GLB1L2: variants seen among roughly 807,000 people sequenced by gnomAD.
GLB1L2 encodes the protein beta-galactosidase-1-like protein 2.
Under a neutral mutation model 84.1 loss-of-function variants are expected in GLB1L2, and 68 were observed. The ratio of observed to expected loss-of-function variants is 0.81; its 90% CI spans 0.67 to 0.99. The LOEUF is 0.99. Among genes scored for constraint, GLB1L2 ranks in the 50% least tolerant of loss-of-function variants. The pLI is 0.00. For missense variants in GLB1L2, 762 were observed against 805.6 expected (o/e 0.95, Z 0.66); for synonymous variants, 290 against 318.0 (o/e 0.91, Z 0.94).
chr11:134,364,493 G>T, intron 8 of GLB1L2, 95 bp downstream of exon 8: 1 of 1,003,750 alleles, frequency 1.0e-6, no homozygotes. Flanking sequence ...CCCAGCGCAG[G>T]GAGCTGGACT....
intron 9 of GLB1L2, 112 bp from the exon 10 acceptor site, chr11:134,368,532 T>TTGGCC (rs1232200924): frequency 9.5e-7 from 1 of 1,058,140 alleles, no homozygotes; most frequent in African/African-American, 1.6e-5. Flanking sequence ...AGTGACAAAG[T>TTGGCC]TGGCCTTGAG....
At chr11:134,364,653 A>G in intron 8 of GLB1L2, 1 of 450,440 alleles carries the variant, frequency 2.2e-6, no homozygotes, top group African/African-American at 2.0e-5. Context: ...GTGCACTCCT[A>G]GAGGACTCGA....
intron 8 of GLB1L2, among the ~76,000 whole-genome samples, chr11:134,365,297 T>TG (rs1471779707): frequency 6.6e-6 from 1 of 152,220 alleles, no homozygotes. Flanking sequence ...GTGGGAGGGC[T>TG]GGCCCCGCTC....
At chr11:134,361,752 G>T (rs961841726) in intron 7 of GLB1L2, among the ~76,000 whole-genome samples, 1 of 152,122 alleles carries the variant, frequency 6.6e-6, no homozygotes, top group African/African-American at 2.4e-5. Flanking sequence ...GGCCTGCATG[G>T]TGGGGGGTCT....
At chr11:134,364,276 C>A in intron 7 of GLB1L2, 52 bp from the exon 8 acceptor site, 1 of 1,469,496 alleles carries the variant, frequency 6.8e-7, no homozygotes, top group Non-Finnish European at 9.5e-7. Flanking sequence ...CCTAGAAGGT[C>A]CCTGGCTTTG....
In GLB1L2 at chr11:134,369,830, C is replaced by A; in HGVS notation, c.1053C>A (p.Ala351=). ...SYDYDAVLTE[A]GDYTAKYMKL... ...ACTATGATGCTGTGCTGACAGAAGC[C>A]GGCGATTACACGGCCAAGTACATGA... is the stretch of plus-strand genomic sequence containing the variant. Residue 351 remains alanine, a synonymous_variant, in exon 11 of 19, where the codon GCC becomes GCA. Coordinates refer to ENST00000535456, the MANE Select transcript of GLB1L2 (RefSeq NM_001370461.1). The A allele has an allele frequency of 6.2e-7, 1 of 1,613,388 alleles. No individual in the cohort carries two copies. The highest frequency in any genetic ancestry group is 8.5e-7 in the Non-Finnish European group (1 of 1,179,408).
chr11:134,353,189 A>G (rs971580669), intron 5 of GLB1L2, among the ~76,000 whole-genome samples: 1 of 152,094 alleles, frequency 6.6e-6, no homozygotes, highest in Non-Finnish European at 1.5e-5. Flanking sequence ...CAAGTGGAAC[A>G]CTTGAGGTCG....
chr11:134,332,993 G>A (rs1374386725), intron 1 of GLB1L2, among the ~76,000 whole-genome samples: 1 of 152,212 alleles, frequency 6.6e-6, no homozygotes, highest in Non-Finnish European at 1.5e-5. Flanking sequence ...GGTTGGAAGT[G>A]GTGGCAGGCC....
At chr11:134,369,498 T>TC (rs1242053376) in intron 10 of GLB1L2, among the ~76,000 whole-genome samples, 6 of 152,042 alleles carry the variant, frequency 3.9e-5, no homozygotes, top group East Asian at 3.9e-4. Flanking sequence ...CAAGCGATCC[T>TC]CTTGCCTTGG....
At position 134,364,390 on chromosome 11, in the gene GLB1L2, A is replaced by C. The variant is rs1016503737; in HGVS notation, c.796A>C (p.Asn266His). The change falls in exon 8 of 19, where the codon AAC becomes CAC. Residue 266 changes from asparagine (N) to histidine (H), a missense_variant. Physicochemically the swap from Asn to His is moderately conservative, Grantham distance 68. Transcript: ENST00000535456. The stretch of plus-strand genomic sequence containing the variant: ...GCAGCTACTGACCACCTTTCTCTTC[A>C]ACGTCCAGGTAAGTCCAGCCCCAGG... Reference protein sequence around the residue: ...ELQLLTTFLFNVQGTQPKMVM... With the variant: ...ELQLLTTFLFHVQGTQPKMVM... 1 of 1,613,812 alleles carries C rather than the reference A, an allele frequency of 6.2e-7. No homozygotes were observed. Among genetic ancestry groups the C allele is most frequent in the African/African-American group, 1.3e-5 (1 of 75,034 alleles).
intron 8 of GLB1L2, among the ~76,000 whole-genome samples, chr11:134,366,765 T>C (rs1403436466): frequency 6.6e-6 from 1 of 151,384 alleles, no homozygotes; most frequent in Non-Finnish European, 1.5e-5. Flanking sequence ...CAGAAAATGC[T>C]GCAAACTGCT....
Position 134,342,863 on chromosome 11 carries a change from G to A in GLB1L2, c.196G>A (p.Gly66Ser), listed in dbSNP as rs1235279188. The change falls in exon 2 of 19, where the codon GGC becomes AGC. Residue 66 changes from glycine to serine, a missense_variant. This residue lies in a region of GLB1L2 where 100 missense variants were observed against 88.8 expected (regional missense o/e 1.13). Coordinates refer to ENST00000535456, the MANE Select transcript of GLB1L2 (RefSeq NM_001370461.1). ...GGATTCCACCTTCTGGATCTTCGGG[G>A]GCTCCATCCACTATTTCCGTGTGCC... ...LEDSTFWIFG[G>S]SIHYFRVPRE... is the part of the protein sequence containing the mutation. The A allele has an allele frequency of 1.9e-6, 3 of 1,614,042 alleles. No individual in the cohort carries two copies. Among genetic ancestry groups the A allele is most frequent in the Non-Finnish European group, 2.5e-6 (3 of 1,180,032 alleles).
chr11:134,364,748 A>G, intron 8 of GLB1L2: 1 of 228,528 alleles, frequency 4.4e-6, no homozygotes, highest in Non-Finnish European at 8.5e-6. Context: ...CTACACAGGC[A>G]TCCGACCTTA....
At chr11:134,371,966 G>C in intron 15 of GLB1L2, 136 bp downstream of exon 15, 1 of 774,420 alleles carries the variant, frequency 1.3e-6, no homozygotes, top group Non-Finnish European at 2.2e-6. Flanking sequence ...CCATACATGA[G>C]GCCAGTTCTG....
At chr11:134,364,213 T>C (rs1428169745) in intron 7 of GLB1L2, 115 bp from the exon 8 acceptor site, 2 of 776,180 alleles carry the variant, frequency 2.6e-6, no homozygotes, top group Non-Finnish European at 4.2e-6. Context: ...TGGGAAACGG[T>C]GTCAGGGCCG....
intron 1 of GLB1L2, among the ~76,000 whole-genome samples, chr11:134,332,648 A>G (rs1355343402): frequency 6.6e-6 from 1 of 152,134 alleles, no homozygotes; most frequent in Non-Finnish European, 1.5e-5. Flanking sequence ...TCGTAAGAAC[A>G]GTGTCCGTGG....
At chr11:134,358,532 G>A (rs1591618981) in intron 6 of GLB1L2, among the ~76,000 whole-genome samples, 4 of 152,402 alleles carry the variant, frequency 2.6e-5, no homozygotes, top group African/African-American at 9.6e-5. Context: ...CTGCTGTTCT[G>A]GGCATGGGCA....
rs1230830278 is a variant in GLB1L2 at position 134,347,315 on chromosome 11, A to C, written c.450-10A>C. ...CTAACATCCTTCCTTTCCCCCGTTTACACTTCAAGCTGGCTACTCCAAGAC... is the reference window on the plus strand; with the variant it reads ...CTAACATCCTTCCTTTCCCCCGTTTCCACTTCAAGCTGGCTACTCCAAGAC... On this transcript the variant is annotated splice_polypyrimidine_tract_variant and intron_variant, in intron 4 of 18. Transcript: ENST00000535456. The C allele has an allele frequency of 6.2e-7, 1 of 1,605,970 alleles. No homozygotes were observed. Among genetic ancestry groups the C allele is most frequent in the Admixed American group, 1.7e-5 (1 of 60,000 alleles).
chr11:134,363,307 C>A (rs946966399), intron 7 of GLB1L2, among the ~76,000 whole-genome samples: 3 of 152,228 alleles, frequency 2.0e-5, no homozygotes, highest in African/African-American at 4.8e-5. Context: ...TTCCCCGGAG[C>A]CCCAGCTGTC....
Sources: allele counts gnomAD v4.1 joint callset (sites outside exome capture counted in the v4.1 genomes callset), GRCh38; gene constraint gnomAD v4.1.1; regional missense constraint gnomAD v4.1.1; transcripts MANE v1.5; gene names NCBI Gene and HGNC (gene_info 2026-07-23, HGNC 2026-07-21).